ADAM12: variants seen among roughly 807,000 people sequenced by gnomAD.
ADAM12 encodes the protein disintegrin and metalloproteinase domain-containing protein 12.
Under a neutral mutation model 106.4 loss-of-function variants are expected in ADAM12, and 70 were observed. The ratio of observed to expected loss-of-function variants is 0.66; its 90% confidence interval spans 0.54 to 0.80. The LOEUF is 0.80. Ranked by LOEUF, ADAM12 falls within the 30% of genes least tolerant of loss-of-function variation. ADAM12 has a pLI of 0.00. For missense variants in ADAM12, 1,010 were observed against 1,171.9 expected (o/e 0.86, Z 2.02); for synonymous variants, 420 against 433.5 (o/e 0.97, Z 0.39).
intron 3 of ADAM12, among the ~76,000 whole-genome samples, chr10:126,166,990 G>A (rs899543989): frequency 2.0e-5 from 3 of 152,154 alleles, no homozygotes; most frequent in Non-Finnish European, 4.4e-5. Flanking sequence ...GTCAGCTTAC[G>A]TTGCATTCTT....
At position 126,239,778 on chromosome 10, in the gene ADAM12, T is replaced by C. The variant is rs1275509559; in HGVS notation, c.260+39137A>G. On this transcript the variant is annotated intron_variant, in intron 3 of 22. Coordinates refer to ENST00000448723, the MANE Select transcript of ADAM12 (RefSeq NM_001288973.2). ...GGTTGAAAGAGAACCATTCACGTCA[T>C]TCAGAACTATCTGATTATGTATTCT... Among the ~76,000 whole-genome samples, 3 of 152,240 alleles carry C rather than the reference T, an allele frequency of 2.0e-5. No individual in the cohort carries two copies. In the East Asian group the frequency reaches 5.8e-4, roughly 29 times the overall value.
At chr10:126,253,810 G>A (rs1264657374) in intron 3 of ADAM12, among the ~76,000 whole-genome samples, 3 of 152,194 alleles carry the variant, frequency 2.0e-5, no homozygotes, top group Non-Finnish European at 1.5e-5. Context: ...GTTCTTGCCT[G>A]GCCTGAGCTG....
chr10:126,377,751 A>C (rs1006955007), intron 1 of ADAM12, among the ~76,000 whole-genome samples: 1 of 152,244 alleles, frequency 6.6e-6, no homozygotes, highest in South Asian at 2.1e-4. Context: ...TAGGACAAAG[A>C]ACCCAGAAGC....
intron 2 of ADAM12, among the ~76,000 whole-genome samples, chr10:126,288,949 A>G (rs1240375946): frequency 6.6e-6 from 1 of 150,786 alleles, no homozygotes; most frequent in Non-Finnish European, 1.5e-5. Context: ...ATGACATGGT[A>G]GCCCTGAGGA....
intron 18 of ADAM12, chr10:126,041,789 G>GGA (rs746873002): frequency 3.9e-5 from 44 of 1,119,882 alleles, no homozygotes; most frequent in Non-Finnish European, 4.5e-5. Context: ...CCACTGCTGT[G>GGA]GAGGCTCAGT....
intron 4 of ADAM12, among the ~76,000 whole-genome samples, chr10:126,147,024 C>A (rs973975168): frequency 6.6e-6 from 1 of 152,234 alleles, no homozygotes; most frequent in African/African-American, 2.4e-5. Context: ...CTATCCCTTT[C>A]TGACAATCAG....
chr10:126,033,749 G>C (rs956040453), intron 21 of ADAM12, among the ~76,000 whole-genome samples: 1 of 152,176 alleles, frequency 6.6e-6, no homozygotes, highest in African/African-American at 2.4e-5. Flanking sequence ...CCCTGGAACA[G>C]AGACTATGGG....
At chr10:126,134,343 G>T (rs1233251005) in intron 5 of ADAM12, among the ~76,000 whole-genome samples, 2 of 152,162 alleles carry the variant, frequency 1.3e-5, no homozygotes, top group Non-Finnish European at 2.9e-5. Flanking sequence ...GAAAGCCGTA[G>T]AATGATGTAT....
At chr10:126,182,219 A>C (rs1565120941) in intron 3 of ADAM12, among the ~76,000 whole-genome samples, 1 of 152,184 alleles carries the variant, frequency 6.6e-6, no homozygotes, top group Non-Finnish European at 1.5e-5. Context: ...GAACATGTAG[A>C]GGGAGTATGT....
At chr10:126,282,586 C>T (rs1049775375) in intron 2 of ADAM12, among the ~76,000 whole-genome samples, 1 of 152,102 alleles carries the variant, frequency 6.6e-6, no homozygotes, top group African/African-American at 2.4e-5. Flanking sequence ...TCTTCTATGA[C>T]TGGTTTCTTT....
At chr10:126,282,003 T>C (rs1299798595) in intron 2 of ADAM12, among the ~76,000 whole-genome samples, 1 of 152,148 alleles carries the variant, frequency 6.6e-6, no homozygotes, top group African/African-American at 2.4e-5. Flanking sequence ...GAAGCCCCCG[T>C]ATTAGTTTGG....
intron 3 of ADAM12, among the ~76,000 whole-genome samples, chr10:126,183,010 G>A (rs1349283593): frequency 6.6e-6 from 1 of 152,086 alleles, no homozygotes; most frequent in African/African-American, 2.4e-5. Flanking sequence ...TACTGCCAGA[G>A]CTCCAACTCC....
chr10:126,383,683 C>A (rs1856564257), intron 1 of ADAM12, among the ~76,000 whole-genome samples: 1 of 152,058 alleles, frequency 6.6e-6, no homozygotes, highest in Admixed American at 6.5e-5. Flanking sequence ...GCCATAGAGA[C>A]ATTGAAGAAA....
rs1447915831 is a variant in ADAM12 at position 126,120,924 on chromosome 10, A to C, written c.417-2700T>G. 1.9e-4 allele frequency among the ~76,000 whole-genome samples: 10 copies of C among 52,066 alleles called. No individual in the cohort carries two copies. In the East Asian group the frequency reaches 3.3e-3, roughly 17 times the overall value. 34.2% of individuals were successfully genotyped at this position (52,066 alleles called of 152,430 possible). A position where few individuals can be genotyped will look rare whatever the true frequency, so the allele number is the denominator to read the frequency against. On this transcript the variant is annotated intron_variant, in intron 5 of 22. Transcript: ENST00000448723. ...TATTATATAATATATATGCAATATA[A>C]TTATATATTATATATTACATATGTA... is the stretch of plus-strand genomic sequence containing the variant.
chr10:126,263,480 GTTTGT>G lies in ADAM12; in HGVS notation c.260+15430_260+15434del, dbSNP rs1454820499. 2.1e-4 allele frequency among the ~76,000 whole-genome samples: 25 copies of G among 116,786 alleles called. No individual in the cohort carries two copies. The Admixed American group carries it at 2.2e-3, about 10-fold the overall frequency. The allele number at this position is 116,786 out of a possible 152,430, so 76.6% of individuals were successfully genotyped here. The stretch of plus-strand genomic sequence containing the variant: ...ACTAGATCCTCTTTGCTGTTTTTTT[GTTTGT>G]TTTAAGTAAAGCAGTAACAGGCATG... On this transcript the variant is annotated intron_variant, in intron 3 of 22. Coordinates refer to ENST00000448723, the MANE Select transcript of ADAM12 (RefSeq NM_001288973.2).
intron 3 of ADAM12, among the ~76,000 whole-genome samples, chr10:126,168,977 C>A (rs144170135): frequency 6.6e-6 from 1 of 152,018 alleles, no homozygotes; most frequent in Non-Finnish European, 1.5e-5. Flanking sequence ...TGTGTGAATC[C>A]GAGAGGCAGA....
chr10:126,056,025 G>A (rs1447708249), intron 14 of ADAM12, among the ~76,000 whole-genome samples: 1 of 152,216 alleles, frequency 6.6e-6, no homozygotes, highest in Non-Finnish European at 1.5e-5. Flanking sequence ...CTCTGAGGGA[G>A]CAGTTCCTCA....
At position 126,333,133 on chromosome 10, in the gene ADAM12, C is replaced by T. The variant is rs958014019; in HGVS notation, c.89-2624G>A. Among the ~76,000 whole-genome samples, 97 of 152,156 alleles carry T rather than the reference C, an allele frequency of 6.4e-4. 8 individuals are homozygous for T. The highest frequency in any genetic ancestry group is 2.9e-5 in the Non-Finnish European group (2 of 68,038). ...AGTCAGCTAAAACTGTCAAAGCGATCGCGAGCATTTTAAAATATCCTCCAC... is the reference window on the plus strand; with the variant it reads ...AGTCAGCTAAAACTGTCAAAGCGATTGCGAGCATTTTAAAATATCCTCCAC... On this transcript the variant is annotated intron_variant, in intron 1 of 22. Coordinates refer to ENST00000448723, the MANE Select transcript of ADAM12 (RefSeq NM_001288973.2).
chr10:126,133,312 T>C (rs1342597766), intron 5 of ADAM12, among the ~76,000 whole-genome samples: 1 of 152,198 alleles, frequency 6.6e-6, no homozygotes, highest in Non-Finnish European at 1.5e-5. Context: ...AGTCCCTGCC[T>C]GGTAGTGGAT....
Sources: gnomAD v4.1 joint callset for allele counts (sites outside exome capture counted in the v4.1 genomes callset) on GRCh38, gnomAD v4.1.1 for gene constraint, MANE v1.5 for transcripts, NCBI Gene and HGNC (gene_info 2026-07-23, HGNC 2026-07-21) for gene names.